RABGAP1L: variants seen among roughly 807,000 people sequenced by gnomAD.
RABGAP1L encodes the protein rab GTPase-activating protein 1-like.
In RABGAP1L, 63 loss-of-function variants were observed where a neutral mutation model predicts 137.7. The observed-to-expected ratio is 0.46, with a 90% CI of 0.37 to 0.56. The LOEUF is 0.56. Ranked by LOEUF, RABGAP1L falls within the 20% of genes least tolerant of loss-of-function variation. The pLI is 0.00. For synonymous variants in RABGAP1L, 431 were observed against 433.7 expected, an observed-to-expected ratio of 0.99 and a Z score of 0.08; for missense variants, 1,095 against 1,244.0, an observed-to-expected ratio of 0.88 and a Z score of 1.80.
intron 19 of RABGAP1L, among the ~76,000 whole-genome samples, chr1:174,912,471 A>G (rs1178377874): frequency 6.6e-6 from 1 of 152,182 alleles, no homozygotes; most frequent in Non-Finnish European, 1.5e-5. Context: ...CAGTATTCTC[A>G]GAAAAGAACA....
chr1:174,422,652 G>GT (rs1205876438), intron 13 of RABGAP1L, among the ~76,000 whole-genome samples: 6 of 151,936 alleles, frequency 3.9e-5, no homozygotes, highest in Non-Finnish European at 7.4e-5. Context: ...TTAAAATCTA[G>GT]TTTAAGATTT....
chr1:174,416,035 T>TATATATATATATATATACACATATAC (rs943543276), intron 13 of RABGAP1L, among the ~76,000 whole-genome samples: 1 of 83,800 alleles, frequency 1.2e-5, no homozygotes, highest in African/African-American at 7.0e-5. Context: ...TATATATATA[T>TATATATATATATATATACACATATAC]ACACACACAT....
intron 7 of RABGAP1L, 24 bp from the exon 8 acceptor site, chr1:174,272,390 C>CT (rs746642010): frequency 4.4e-6 from 7 of 1,598,948 alleles, no homozygotes; most frequent in South Asian, 2.3e-5. Flanking sequence ...CTTATTTCTC[C>CT]TTTTTTTCCC....
chr1:174,805,438 A>G (rs1447222232), intron 18 of RABGAP1L, among the ~76,000 whole-genome samples: 1 of 152,256 alleles, frequency 6.6e-6, no homozygotes, highest in African/African-American at 2.4e-5. Flanking sequence ...CAGAAAGCTC[A>G]GGGAGCAAAA....
intron 7 of RABGAP1L, among the ~76,000 whole-genome samples, chr1:174,259,481 T>G (rs909088592): frequency 6.6e-6 from 1 of 152,222 alleles, no homozygotes; most frequent in African/African-American, 2.4e-5. Context: ...CACATATTCT[T>G]ACTCTCTACT....
chr1:174,914,628 T>G (rs1356807576), intron 19 of RABGAP1L, among the ~76,000 whole-genome samples: 1 of 152,188 alleles, frequency 6.6e-6, no homozygotes, highest in Non-Finnish European at 1.5e-5. Flanking sequence ...CTTTACTGTC[T>G]GCAGAAAGAT....
intron 13 of RABGAP1L, among the ~76,000 whole-genome samples, chr1:174,487,650 T>TA (rs1659801941): frequency 6.6e-6 from 1 of 152,182 alleles, no homozygotes; most frequent in Non-Finnish European, 1.5e-5. Flanking sequence ...ATTAAAGACT[T>TA]ACTACTGCCT....
At chr1:174,625,857 A>G (rs574743641) in intron 13 of RABGAP1L, among the ~76,000 whole-genome samples, 1 of 152,336 alleles carries the variant, frequency 6.6e-6, no homozygotes, top group Non-Finnish European at 1.5e-5. Context: ...GCACTCTTTA[A>G]AAGTTTTTCA....
intron 14 of RABGAP1L, among the ~76,000 whole-genome samples, chr1:174,662,770 G>A (rs1479454302): frequency 6.6e-6 from 1 of 152,218 alleles, no homozygotes; most frequent in Non-Finnish European, 1.5e-5. Flanking sequence ...GGGACAAGAT[G>A]TGAAGGTGGA....
chr1:174,560,724 C>A (rs1370385699), intron 13 of RABGAP1L, among the ~76,000 whole-genome samples: 1 of 152,094 alleles, frequency 6.6e-6, no homozygotes. Flanking sequence ...CGCACCCTCC[C>A]CCTTCTAGTA....
intron 13 of RABGAP1L, among the ~76,000 whole-genome samples, chr1:174,608,820 T>A (rs537973654): frequency 6.6e-6 from 1 of 152,258 alleles, no homozygotes; most frequent in South Asian, 2.1e-4. Flanking sequence ...GGAAATTGAT[T>A]ATTTGAAATA....
At chr1:174,639,764 C>G (rs894770335) in intron 14 of RABGAP1L, among the ~76,000 whole-genome samples, 1 of 152,052 alleles carries the variant, frequency 6.6e-6, no homozygotes, top group African/African-American at 2.4e-5. Context: ...TTACCAAACA[C>G]AAAAATAAAA....
chr1:174,835,850 TA>T (rs903024058), intron 19 of RABGAP1L, among the ~76,000 whole-genome samples: 18 of 150,362 alleles, frequency 1.2e-4, no homozygotes, highest in African/African-American at 3.7e-4. Flanking sequence ...TCTGGTTATG[TA>T]AAAAAAAAAT....
chr1:174,350,214 CG>C (rs1683004914), intron 11 of RABGAP1L, among the ~76,000 whole-genome samples: 4 of 136,200 alleles, frequency 2.9e-5, no homozygotes, highest in Admixed American at 2.8e-4. Context: ...CCCTCCCGGA[CG>C]GGGTGGCTGC....
chr1:174,533,128 G>A (rs1664580420), intron 13 of RABGAP1L, among the ~76,000 whole-genome samples: 1 of 152,202 alleles, frequency 6.6e-6, no homozygotes, highest in South Asian at 2.1e-4. Context: ...CACCTAGTCG[G>A]GAGACTGAGG....
chr1:174,417,760 CATT>C (rs1650775568), intron 13 of RABGAP1L, among the ~76,000 whole-genome samples: 1 of 152,186 alleles, frequency 6.6e-6, no homozygotes, highest in East Asian at 1.9e-4. Context: ...TTTTGTGACT[CATT>C]AGTGGACTAT....
intron 1 of RABGAP1L, among the ~76,000 whole-genome samples, chr1:174,213,635 C>G (rs951500489): frequency 6.6e-6 from 1 of 152,142 alleles, no homozygotes; most frequent in African/African-American, 2.4e-5. Flanking sequence ...TGATCACAAT[C>G]AGTGGGATTT....
intron 18 of RABGAP1L, among the ~76,000 whole-genome samples, chr1:174,763,868 T>C (rs1685457588): frequency 6.7e-6 from 1 of 149,792 alleles, no homozygotes; most frequent in Non-Finnish European, 1.5e-5. Flanking sequence ...AAAGTACAAT[T>C]AGTGGTTTGT....
At chr1:174,229,100 T>C (rs1235368783) in intron 3 of RABGAP1L, among the ~76,000 whole-genome samples, 1 of 152,098 alleles carries the variant, frequency 6.6e-6, no homozygotes, top group Non-Finnish European at 1.5e-5. Context: ...AAAATAATTA[T>C]TTTGAGGAAA....
Sources: allele counts gnomAD v4.1 joint callset (sites outside exome capture counted in the v4.1 genomes callset), GRCh38; gene constraint gnomAD v4.1.1; transcripts MANE v1.5; gene names NCBI Gene and HGNC (gene_info 2026-07-23, HGNC 2026-07-21).